Variants in CTDSPL observed in about 807,000 individuals in gnomAD.
CTDSPL encodes CTD small phosphatase like.
A neutral mutation model predicts 30.5 loss-of-function variants in CTDSPL; 8 were observed. The observed-to-expected ratio is 0.26, with a 90% CI of 0.15 to 0.47. The LOEUF is 0.47. CTDSPL is among the 20% of genes least tolerant of loss of function. CTDSPL has a pLI of 0.99. For synonymous variants in CTDSPL, 110 were observed against 137.9 expected (o/e 0.80, Z 1.42); for missense variants, 248 against 366.1 (o/e 0.68, Z 2.63).
intron 5 of CTDSPL, among the ~76,000 whole-genome samples, chr3:37,970,494 G>T (rs1699354549): frequency 6.6e-6 from 1 of 152,200 alleles, no homozygotes. Context: ...TTTTAGTGAA[G>T]TGGCTAATTT....
At chr3:37,869,507 C>T (rs1209608999) in intron 1 of CTDSPL, among the ~76,000 whole-genome samples, 1 of 152,034 alleles carries the variant, frequency 6.6e-6, no homozygotes, top group African/African-American at 2.4e-5. Context: ...TTGTAAGAGG[C>T]TTTTTATAGA....
intron 3 of CTDSPL, among the ~76,000 whole-genome samples, chr3:37,961,514 A>C (rs1699244809): frequency 6.6e-6 from 1 of 152,170 alleles, no homozygotes; most frequent in Admixed American, 6.5e-5. Flanking sequence ...TGAGGCTGGC[A>C]GTGTAACCGA....
At chr3:37,954,362 A>C (rs887203756) in intron 2 of CTDSPL, 15 of 152,236 alleles carry the variant, frequency 9.9e-5, no homozygotes, top group Non-Finnish European at 1.9e-4. Flanking sequence ...TTTCCATAAC[A>C]CTTGACTAGT....
At chr3:37,906,174 A>G (rs866937804) in intron 1 of CTDSPL, among the ~76,000 whole-genome samples, 2 of 152,050 alleles carry the variant, frequency 1.3e-5, no homozygotes, top group South Asian at 2.1e-4. Context: ...CCTGGCCCCT[A>G]TTGTGTGCTT....
In CTDSPL at chr3:37,903,453, G is replaced by T. The variant is rs190770789; in HGVS notation, c.79+41175G>T. 5.6e-4 allele frequency among the ~76,000 whole-genome samples: 86 copies of T among 152,342 alleles called. 1 individual carries two copies. Among genetic ancestry groups the T allele is most frequent in the Non-Finnish European group, 5.6e-4 (38 of 68,036 alleles). Reference sequence around the variant, plus strand: ...CTGATTTTGGAAGCTGGGGCAGGGGGTGGGAGAGATTCTGGTAACACAGGA... The same window carrying T: ...CTGATTTTGGAAGCTGGGGCAGGGGTTGGGAGAGATTCTGGTAACACAGGA... On this transcript the variant is annotated intron_variant, in intron 1 of 7. Transcript: ENST00000273179.
Position 37,982,764 on chromosome 3 carries a change from A to G in CTDSPL, c.*1897A>G. 5.0e-6 allele frequency: 2 copies of G among 402,820 alleles called. 1 individual carries two copies. Among genetic ancestry groups the G allele is most frequent in the Middle Eastern group, 7.8e-4 (2 of 2,572 alleles). 25.0% of individuals were successfully genotyped at this position (402,820 alleles called of 1,614,324 possible). On this transcript the variant is annotated 3_prime_UTR_variant, in exon 8 of 8. Transcript: ENST00000273179. ...TATTACCACAGATAATGACAGTTAC[A>G]TGGTAGAACTGCCCATGCCACAAAT... is the stretch of plus-strand genomic sequence containing the variant.
chr3:37,891,363 C>G (rs551541381), intron 1 of CTDSPL, among the ~76,000 whole-genome samples: 1 of 152,216 alleles, frequency 6.6e-6, no homozygotes, highest in Non-Finnish European at 1.5e-5. Context: ...TCTCTGTACC[C>G]TACTTCTGTT....
At chr3:37,954,393 CAAAG>C (rs2125625885) in intron 2 of CTDSPL, 1 of 152,304 alleles carries the variant, frequency 6.6e-6, no homozygotes, top group Admixed American at 6.5e-5. Flanking sequence ...GACCAGACGC[CAAAG>C]AAAGAGCCCT....
At chr3:37,880,928 G>T (rs186000717) in intron 1 of CTDSPL, among the ~76,000 whole-genome samples, 32 of 151,328 alleles carry the variant, frequency 2.1e-4, no homozygotes, top group African/African-American at 7.5e-4. Context: ...CTAAGAGTCA[G>T]ATTTGGCCAT....
At chr3:37,979,731 G>T (rs561542527) in intron 7 of CTDSPL, among the ~76,000 whole-genome samples, 5 of 152,344 alleles carry the variant, frequency 3.3e-5, no homozygotes, top group African/African-American at 1.2e-4. Context: ...CTGCACTCAA[G>T]CCTGGGTGAC....
At chr3:37,943,781 C>T (rs1159405333) in intron 1 of CTDSPL, among the ~76,000 whole-genome samples, 1 of 150,394 alleles carries the variant, frequency 6.6e-6, no homozygotes, top group African/African-American at 2.4e-5. Context: ...AGAGAAGCAA[C>T]AAGACCCCTT....
intron 1 of CTDSPL, among the ~76,000 whole-genome samples, chr3:37,897,277 C>T (rs1288244677): frequency 6.6e-6 from 1 of 152,050 alleles, no homozygotes; most frequent in Non-Finnish European, 1.5e-5. Context: ...AATGACTGTG[C>T]TGTTAAGCTA....
intron 4 of CTDSPL, among the ~76,000 whole-genome samples, chr3:37,967,400 G>A (rs111662120): frequency 8.5e-5 from 13 of 152,356 alleles, no homozygotes; most frequent in East Asian, 1.9e-4. Context: ...CAGGGCAGCC[G>A]CCAGTTGTGG....
chr3:37,892,785 G>C (rs894417646), intron 1 of CTDSPL, among the ~76,000 whole-genome samples: 1 of 152,188 alleles, frequency 6.6e-6, no homozygotes, highest in Non-Finnish European at 1.5e-5. Context: ...GGGGGGGATA[G>C]TATAAGAAAG....
At chr3:37,953,776 C>G (rs550628832) in intron 2 of CTDSPL, among the ~76,000 whole-genome samples, 6 of 152,214 alleles carry the variant, frequency 3.9e-5, no homozygotes, top group African/African-American at 1.4e-4. Flanking sequence ...GAAAACTATA[C>G]ACGATAAAAA....
intron 1 of CTDSPL, among the ~76,000 whole-genome samples, chr3:37,903,330 C>T (rs1374047840): frequency 1.3e-5 from 2 of 152,196 alleles, no homozygotes; most frequent in Non-Finnish European, 2.9e-5. Flanking sequence ...AATATGTATG[C>T]ACATACTTTG....
Position 37,957,100 on chromosome 3 carries a change from T to C in CTDSPL, c.235-11T>C. The C allele has an allele frequency of 6.3e-7, 1 of 1,597,530 alleles. No homozygotes were observed. Among genetic ancestry groups the C allele is most frequent in the East Asian group, 2.2e-5 (1 of 44,624 alleles). On this transcript the variant is annotated splice_polypyrimidine_tract_variant and intron_variant, in intron 2 of 7. Coordinates refer to ENST00000273179, the MANE Select transcript of CTDSPL (RefSeq NM_001008392.2). ...GAACCTGACAATGATTTTTTTTTTC[T>C]TTTTCCTCAGGGTGACCAGAGGCAG...
At chr3:37,896,236 G>C (rs1275972511) in intron 1 of CTDSPL, among the ~76,000 whole-genome samples, 1 of 152,168 alleles carries the variant, frequency 6.6e-6, no homozygotes, top group Non-Finnish European at 1.5e-5. Context: ...TCCTCTAAGA[G>C]AGGTACAGAC....
At chr3:37,960,533 T>TAA (rs1168321790) in intron 3 of CTDSPL, among the ~76,000 whole-genome samples, 1 of 33,570 alleles carries the variant, frequency 3.0e-5, no homozygotes, top group Non-Finnish European at 5.1e-5. Flanking sequence ...TATATATATA[T>TAA]ATACACACAC....
Sources: allele counts gnomAD v4.1 joint callset (sites outside exome capture counted in the v4.1 genomes callset), GRCh38; gene constraint gnomAD v4.1.1; transcripts MANE v1.5; gene names NCBI Gene and HGNC (gene_info 2026-07-23, HGNC 2026-07-21).